MARK1: variants seen among roughly 807,000 people sequenced by gnomAD.
The protein encoded by MARK1 is serine/threonine-protein kinase MARK1.
A neutral mutation model predicts 96.3 loss-of-function variants in MARK1; 40 were observed. The observed-to-expected ratio is 0.42, with a 90% CI of 0.32 to 0.54. The LOEUF is 0.54. Ranked by LOEUF, MARK1 falls within the 20% of genes least tolerant of loss-of-function variation. MARK1 has a pLI of 0.16. For missense variants in MARK1, 719 were observed against 984.6 expected, an observed-to-expected ratio of 0.73 and a Z score of 3.61; for synonymous variants, 317 against 341.2, an observed-to-expected ratio of 0.93 and a Z score of 0.78.
At chr1:220,533,011 T>TA (rs80225416) in intron 1 of MARK1, among the ~76,000 whole-genome samples, 38,765 of 111,808 alleles carry the variant, frequency 0.35, 5,635 homozygotes, top group East Asian at 0.56. Context: ...ACCCTTTTTT[T>TA]TAAAAAAAAA....
intron 6 of MARK1, among the ~76,000 whole-genome samples, chr1:220,607,193 T>G (rs1023728976): frequency 6.6e-6 from 1 of 152,178 alleles, no homozygotes; most frequent in African/African-American, 2.4e-5. Context: ...CCTCTTTTAT[T>G]TCGTTGAGCA....
Position 220,654,869 on chromosome 1 carries a change from A to G in MARK1, c.1988+1517A>G, listed in dbSNP as rs1669080680. Among the ~76,000 whole-genome samples the G allele has an allele frequency of 6.6e-6, 1 of 152,254 alleles. No individual in the cohort carries two copies. Among genetic ancestry groups the G allele is most frequent in the Admixed American group, 6.5e-5 (1 of 15,286 alleles). On this transcript the variant is annotated intron_variant, in intron 16 of 17. Transcript: ENST00000366917. This position sits in a 1 kb window ranked among gnomAD's most constrained non-coding sequence, Gnocchi z 4.0. The stretch of plus-strand genomic sequence containing the variant: ...CTCTAGGGGAAACAGAGTACTTTGG[A>G]AAGGAAGTCGTGAGATAGAATGCCA...
intron 7 of MARK1, among the ~76,000 whole-genome samples, chr1:220,616,974 G>A (rs942783723): frequency 1.3e-5 from 2 of 152,094 alleles, no homozygotes; most frequent in Admixed American, 1.3e-4. Flanking sequence ...TTCCTGGAAG[G>A]AGACCTCAGA....
At chr1:220,642,268 C>T (rs1313535819) in intron 13 of MARK1, among the ~76,000 whole-genome samples, 1 of 152,220 alleles carries the variant, frequency 6.6e-6, no homozygotes, top group Non-Finnish European at 1.5e-5. Flanking sequence ...ACCGCCATTA[C>T]TGCAGCTCTA....
chr1:220,586,549 G>C (rs1664641125), intron 3 of MARK1, among the ~76,000 whole-genome samples: 1 of 151,756 alleles, frequency 6.6e-6, no homozygotes, highest in Non-Finnish European at 1.5e-5. Flanking sequence ...TGATTTGTTT[G>C]TTGACACTTT....
intron 3 of MARK1, among the ~76,000 whole-genome samples, chr1:220,584,660 A>C (rs749062414): frequency 2.0e-5 from 3 of 152,226 alleles, no homozygotes; most frequent in Non-Finnish European, 4.4e-5. Flanking sequence ...ATGTTGAAGA[A>C]TTTGGTAACT....
At chr1:220,651,905 A>T (rs965998522) in intron 14 of MARK1, 81 bp from the exon 15 acceptor site, 7 of 1,173,660 alleles carry the variant, frequency 6.0e-6, no homozygotes, top group African/African-American at 3.1e-5. Context: ...TAGATTTTTT[A>T]AAATATAGTT....
intron 1 of MARK1, among the ~76,000 whole-genome samples, chr1:220,530,454 A>C (rs1048076419): frequency 6.6e-6 from 1 of 152,208 alleles, no homozygotes; most frequent in South Asian, 2.1e-4. Context: ...GTGTGAATGA[A>C]AAGTATGACA....
intron 1 of MARK1, among the ~76,000 whole-genome samples, chr1:220,550,172 A>G (rs1475500987): frequency 6.6e-6 from 1 of 152,166 alleles, no homozygotes; most frequent in Admixed American, 6.5e-5. Context: ...ATTTTACTGA[A>G]CCCAAATATA....
At chr1:220,547,846 G>A (rs1192553919) in intron 1 of MARK1, among the ~76,000 whole-genome samples, 1 of 152,174 alleles carries the variant, frequency 6.6e-6, no homozygotes, top group African/African-American at 2.4e-5. Flanking sequence ...GATTACAGGC[G>A]CGAGCCACCG....
chr1:220,543,826 C>G (rs995365834), intron 1 of MARK1, among the ~76,000 whole-genome samples: 6 of 152,172 alleles, frequency 3.9e-5, no homozygotes, highest in African/African-American at 1.4e-4. Flanking sequence ...AATCTTTGTT[C>G]TTGCTCAGTT....
chr1:220,541,546 A>G (rs959474765), intron 1 of MARK1, among the ~76,000 whole-genome samples: 1 of 152,122 alleles, frequency 6.6e-6, no homozygotes, highest in Non-Finnish European at 1.5e-5. Flanking sequence ...GTCGCCGTCT[A>G]TTCCTGCCTT....
intron 13 of MARK1, among the ~76,000 whole-genome samples, chr1:220,646,827 G>A (rs961480433): frequency 6.6e-6 from 1 of 152,162 alleles, no homozygotes; most frequent in Non-Finnish European, 1.5e-5. Context: ...TTAACAAATT[G>A]TGCTGGGAGA....
intron 9 of MARK1, chr1:220,626,082 C>A: frequency 1.7e-6 from 1 of 598,858 alleles, no homozygotes; most frequent in South Asian, 1.5e-5. Context: ...CTACTGGTGG[C>A]TCTCTGGCAA....
At chr1:220,628,567 C>T (rs1050447510) in intron 9 of MARK1, among the ~76,000 whole-genome samples, 8 of 152,086 alleles carry the variant, frequency 5.3e-5, no homozygotes, top group Non-Finnish European at 8.8e-5. Context: ...TCATGCTGTG[C>T]GGGTTTTTCT....
intron 1 of MARK1, among the ~76,000 whole-genome samples, chr1:220,558,005 C>T (rs892614424): frequency 6.6e-6 from 1 of 151,962 alleles, no homozygotes; most frequent in Non-Finnish European, 1.5e-5. Context: ...TGGCATGCAC[C>T]TGTACTCCCA....
At chr1:220,538,967 G>A (rs1375970873) in intron 1 of MARK1, among the ~76,000 whole-genome samples, 1 of 151,420 alleles carries the variant, frequency 6.6e-6, no homozygotes, top group Non-Finnish European at 1.5e-5. Context: ...GGAGATTTTG[G>A]GCTGAGACAA....
At position 220,653,171 on chromosome 1, in the gene MARK1, C is replaced by T. The variant is rs755975927; in HGVS notation, c.1807C>T (p.Arg603Cys). The T allele has an allele frequency of 8.1e-6, 13 of 1,614,100 alleles. No homozygotes were observed. In the Admixed American group the frequency reaches 1.5e-4, roughly 19 times the overall value. ...SISTATPDRT[R>C]FPRGSSSRST... The stretch of plus-strand genomic sequence containing the variant: ...TAGTACTGCGACTCCAGACCGGACC[C>T]GTTTTCCCCGAGGGAGCTCAAGCCG... The change falls in exon 16 of 18, where the codon CGT becomes TGT. Residue 603 changes from arginine (R) to cysteine (C), a missense_variant. Around this residue, in one of 4 missense-constraint regions of MARK1, gnomAD observed 501 missense variants for 588.3 expected, o/e 0.85. Coordinates refer to ENST00000366917, the MANE Select transcript of MARK1 (RefSeq NM_018650.5).
intron 11 of MARK1, among the ~76,000 whole-genome samples, chr1:220,635,002 G>A (rs768775948): frequency 6.6e-6 from 1 of 152,120 alleles, no homozygotes; most frequent in African/African-American, 2.4e-5. Flanking sequence ...CATCTATAAA[G>A]TGTAGGTTAA....
Sources: gnomAD v4.1 joint callset for allele counts (sites outside exome capture counted in the v4.1 genomes callset) on GRCh38, gnomAD v4.1.1 for gene constraint, gnomAD v4.1.1 regional missense constraint, Gnocchi (gnomAD v3.1) non-coding constraint, MANE v1.5 for transcripts, NCBI Gene and HGNC (gene_info 2026-07-23, HGNC 2026-07-21) for gene names.